The following KLC2 variants were observed in gnomAD, a reference collection of about 807,000 sequenced individuals.
KLC2 encodes the protein kinesin light chain 2, also known as KLC 2.
Under a neutral mutation model 75.1 loss-of-function variants are expected in KLC2, and 35 were observed. The ratio of observed to expected loss-of-function variants is 0.47; its 90% CI spans 0.36 to 0.62. The LOEUF is 0.62. Among genes scored for constraint, KLC2 ranks in the 20% least tolerant of loss-of-function variants. KLC2 has a pLI of 0.00. For synonymous variants in KLC2, 314 were observed against 336.7 expected, an observed-to-expected ratio of 0.93 and a Z score of 0.74; for missense variants, 611 against 833.2, an observed-to-expected ratio of 0.73 and a Z score of 3.28.
rs767727284 is a variant in KLC2, at chr11:66,263,035, C to T, written c.751C>T (p.Arg251Trp). ...TMLNILALVY[R>W]DQNKYKEAAH... ...GCTGAACATCCTGGCACTGGTCTAT[C>T]GGTGAGGACTCTCTGGGGGTGCCCA... The change falls in exon 5 of 16, where the codon CGG becomes TGG. Residue 251 changes from arginine (R) to tryptophan (W), a missense_variant and splice_region_variant. Physicochemically the swap from Arg to Trp is moderately radical, Grantham distance 101. Transcript: ENST00000394067. The T allele has an allele frequency of 5.6e-6, 9 of 1,610,688 alleles. No homozygotes were observed. The highest frequency in any genetic ancestry group is 7.6e-6 in the Non-Finnish European group (9 of 1,177,156).
intron 2 of KLC2, among the ~76,000 whole-genome samples, chr11:66,260,544 G>GT (rs891218382): frequency 2.6e-5 from 4 of 152,212 alleles, no homozygotes; most frequent in Non-Finnish European, 1.5e-5. Context: ...GGAGGCCCAG[G>GT]TGGGAAGACT....
chr11:66,267,328 G>A lies in KLC2; in HGVS notation c.*372G>A. On this transcript the variant is annotated 3_prime_UTR_variant, in exon 16 of 16. Transcript: ENST00000394067. Reference sequence around the variant, plus strand: ...CCCTCCCTCCCGACTCAACCCGGCCGTTGCTTCTGTATATAGAGAAATAAG... The same window carrying A: ...CCCTCCCTCCCGACTCAACCCGGCCATTGCTTCTGTATATAGAGAAATAAG... 1 of 795,448 alleles carries A rather than the reference G, an allele frequency of 1.3e-6. No individual in the cohort carries two copies. Among genetic ancestry groups the A allele is most frequent in the Middle Eastern group, 2.2e-4 (1 of 4,544 alleles). The allele number at this position is 795,448 out of a possible 1,614,324, so 49.3% of individuals were successfully genotyped here.
chr11:66,264,030 C>T lies in KLC2; in HGVS notation c.943-16C>T, dbSNP rs1021827736. 3.1e-6 allele frequency: 5 copies of T among 1,609,428 alleles called. No individual in the cohort carries two copies. The highest frequency in any genetic ancestry group is 4.2e-6 in the Non-Finnish European group (5 of 1,177,616). Reference sequence around the variant, plus strand: ...GCAGCCCTGAGCCCAACCCCTGGCTCCCTCTCCCATCCCAGGTCCTGGGCA... The same window carrying T: ...GCAGCCCTGAGCCCAACCCCTGGCTTCCTCTCCCATCCCAGGTCCTGGGCA... On this transcript the variant is annotated splice_polypyrimidine_tract_variant and intron_variant, in intron 7 of 15. Coordinates refer to ENST00000394067, the MANE Select transcript of KLC2 (RefSeq NM_001318734.2).
chr11:66,255,162 C>A (rs907956775), upstream of KLC2, among the ~76,000 whole-genome samples: 1 of 152,194 alleles, frequency 6.6e-6, no homozygotes, highest in Non-Finnish European at 1.5e-5. Flanking sequence ...GGCAGACTTA[C>A]CAAAATGCAA....
In KLC2 at chr11:66,262,795, C is replaced by T. The variant is rs765676203; in HGVS notation, c.530-19C>T. ...AGTGGGCAGATGGTACATCTGACCT[C>T]CTGCCCTTGGCCCTGCAGCCCCTAG... On this transcript the variant is annotated intron_variant, in intron 4 of 15. Coordinates refer to ENST00000394067, the MANE Select transcript of KLC2 (RefSeq NM_001318734.2). The T allele has an allele frequency of 6.3e-7, 1 of 1,581,810 alleles. No individual in the cohort carries two copies. Among genetic ancestry groups the T allele is most frequent in the Non-Finnish European group, 8.6e-7 (1 of 1,157,854 alleles).
Position 66,267,596 on chromosome 11 carries a change from T to C in KLC2, c.*640T>C. 1 of 607,156 alleles carries C rather than the reference T, an allele frequency of 1.6e-6. No individual in the cohort carries two copies. The highest frequency in any genetic ancestry group is 1.9e-5 in the South Asian group (1 of 52,218). 37.6% of individuals were successfully genotyped at this position (607,156 alleles called of 1,614,324 possible). A position where few individuals can be genotyped will look rare whatever the true frequency, so the allele number is the denominator to read the frequency against. ...GTGGCCCAGGACGGGGACCTCCCCT[T>C]AGTCCGTCCTCCCACCGCCGGGCCC... On this transcript the variant is annotated 3_prime_UTR_variant, in exon 16 of 16. Coordinates refer to ENST00000394067, the MANE Select transcript of KLC2 (RefSeq NM_001318734.2).
At chr11:66,252,439 A>AT (rs1306385266), upstream of KLC2, among the ~76,000 whole-genome samples, 4 of 82,630 alleles carry the variant, frequency 4.8e-5, no homozygotes, top group East Asian at 2.1e-4. Context: ...AATTTTTTGT[A>AT]TTTTTAGTAG....
chr11:66,266,184 AG>A lies in KLC2; in HGVS notation c.1700del (p.Gly567AlafsTer11), dbSNP rs772643711. 1.9e-6 allele frequency: 3 copies of A among 1,611,254 alleles called. No individual in the cohort carries two copies. Among genetic ancestry groups the A allele is most frequent in the Non-Finnish European group, 2.5e-6 (3 of 1,178,992 alleles). On this transcript the variant is annotated frameshift_variant, in exon 14 of 16. Coordinates refer to ENST00000394067, the MANE Select transcript of KLC2 (RefSeq NM_001318734.2). LOFTEE classifies it high-confidence loss of function. ...AGTGAGATGCTGGTAAAGAAGCTGC[AG>A]GGGGGCACCCCCCAGGAGCCCCCTA... ...RSSEMLVKKL[Q>X]GGTPQEPPNP...
Position 66,267,594 on chromosome 11 carries a change from C to G in KLC2, c.*638C>G. 4.9e-6 allele frequency: 3 copies of G among 609,206 alleles called. No individual in the cohort carries two copies. In the South Asian group the frequency reaches 5.7e-5, roughly 12 times the overall value. The allele number at this position is 609,206 out of a possible 1,614,324, so 37.7% of individuals were successfully genotyped here. On this transcript the variant is annotated 3_prime_UTR_variant, in exon 16 of 16. Transcript: ENST00000394067. ...CCGTGGCCCAGGACGGGGACCTCCC[C>G]TTAGTCCGTCCTCCCACCGCCGGGC...
the KLC2 span, among the ~76,000 whole-genome samples, chr11:66,247,183 G>C: frequency 6.6e-6 from 1 of 152,146 alleles, no homozygotes. Context: ...TATCCTGACA[G>C]TGCCTTGCCC....
At chr11:66,249,943 T>G in the KLC2 span, among the ~76,000 whole-genome samples, 4 of 152,082 alleles carry the variant, frequency 2.6e-5, no homozygotes, top group Admixed American at 6.6e-5. Context: ...TGTCGTCCTA[T>G]CCTCCCAGTG....
At chr11:66,261,677 C>T (rs1472487011) in intron 2 of KLC2, 65 bp from the exon 3 acceptor site, 9 of 1,090,622 alleles carry the variant, frequency 8.3e-6, no homozygotes, top group Non-Finnish European at 1.1e-5. Flanking sequence ...CCAACTAGGC[C>T]CAGGCTACAG....
At chr11:66,251,538 C>T in the KLC2 span, among the ~76,000 whole-genome samples, 1 of 133,380 alleles carries the variant, frequency 7.5e-6, no homozygotes, top group Non-Finnish European at 1.7e-5. Flanking sequence ...CTTGGGAGGC[C>T]GAGGCGGGCA....
At chr11:66,265,099 T>C (rs1171171463) in intron 10 of KLC2, 27 bp downstream of exon 10, 7 of 1,608,576 alleles carry the variant, frequency 4.4e-6, no homozygotes, top group Non-Finnish European at 6.0e-6. Flanking sequence ...GGCTGGGCGG[T>C]TGTCAGGGGA....
Position 66,265,721 on chromosome 11 carries a change from C to G in KLC2, c.1401C>G (p.Ala467=). The change falls in exon 12 of 16, where the codon GCC becomes GCG. Residue 467 remains alanine, a synonymous_variant. Coordinates refer to ENST00000394067, the MANE Select transcript of KLC2 (RefSeq NM_001318734.2). ...ACCGGCGCCAGGGCAAGCTGGAAGCCGCGCACACACTAGAGGACTGTGCCA... is the reference window on the plus strand; with the variant it reads ...ACCGGCGCCAGGGCAAGCTGGAAGCGGCGCACACACTAGAGGACTGTGCCA... ...ALYRRQGKLE[A]AHTLEDCASR... is the part of the protein sequence containing the mutation. 1 of 1,613,846 alleles carries G rather than the reference C, an allele frequency of 6.2e-7. No individual in the cohort carries two copies. The highest frequency in any genetic ancestry group is 8.5e-7 in the Non-Finnish European group (1 of 1,179,954).
chr11:66,264,395 C>T lies in KLC2; in HGVS notation c.1167C>T (p.Tyr389=). The change falls in exon 9 of 16, where the codon TAC becomes TAT. Residue 389 remains tyrosine, a synonymous_variant. Transcript: ENST00000394067. ...QGKYQDAETL[Y]KEILTRAHEK... ...AGTACCAGGATGCGGAGACCTTGTA[C>T]AAGGAGATCCTCACCCGCGCTCATG... 6.2e-7 allele frequency: 1 copy of T among 1,613,740 alleles called. No individual in the cohort carries two copies. The highest frequency in any genetic ancestry group is 8.5e-7 in the Non-Finnish European group (1 of 1,179,852).
In KLC2 at chr11:66,262,833, G is replaced by A. The variant is rs747006088; in HGVS notation, c.549G>A (p.Gly183=). The A allele has an allele frequency of 5.0e-6, 8 of 1,612,440 alleles. No homozygotes were observed. The East Asian group carries it at 1.6e-4, about 31-fold the overall frequency. ...EQSPAPSPGG[G]DVSGQHGGYE... ...CTGCAGCCCCTAGCCCAGGAGGAGG[G>A]GATGTGTCTGGTCAGCATGGGGGCT... is the stretch of plus-strand genomic sequence containing the variant. Residue 183 remains glycine (G), a synonymous_variant, in exon 5 of 16, where the codon GGG becomes GGA. Coordinates refer to ENST00000394067, the MANE Select transcript of KLC2 (RefSeq NM_001318734.2).
At position 66,262,185 on chromosome 11, in the gene KLC2, G is replaced by A; in HGVS notation, c.522G>A (p.Gln174=). Residue 174 remains glutamine, a synonymous_variant, in exon 4 of 16, where the codon CAG becomes CAA. Coordinates refer to ENST00000394067, the MANE Select transcript of KLC2 (RefSeq NM_001318734.2). ...LDDLFPNEDE[Q]SPAPSPGGGD... The stretch of plus-strand genomic sequence containing the variant: ...ACCTGTTCCCCAATGAGGATGAGCA[G>A]AGCCCAGGTGCGGATGGGCAGTTCT... 1.2e-6 allele frequency: 2 copies of A among 1,613,248 alleles called. No homozygotes were observed. Among genetic ancestry groups the A allele is most frequent in the Non-Finnish European group, 8.5e-7 (1 of 1,179,814 alleles).
intron 1 of KLC2, chr11:66,258,152 A>G (rs890391678): frequency 1.7e-5 from 3 of 171,520 alleles, no homozygotes; most frequent in South Asian, 1.3e-4. Context: ...GCGCCTCCGC[A>G]GGGTCGGCTC....
Sources: allele counts gnomAD v4.1 joint callset (sites outside exome capture counted in the v4.1 genomes callset), GRCh38; gene constraint gnomAD v4.1.1; transcripts MANE v1.5; gene names NCBI Gene and HGNC (gene_info 2026-07-23, HGNC 2026-07-21).